The following RIMS2 variants were observed in gnomAD, a reference collection of about 807,000 sequenced individuals.
The protein encoded by RIMS2 is regulating synaptic membrane exocytosis protein 2.
RIMS2 carries 59 observed loss-of-function variants against 174.4 expected under a neutral mutation model. The observed-to-expected ratio is 0.34, with a 90% CI of 0.27 to 0.42. The LOEUF is 0.42. RIMS2 is among the 10% of genes least tolerant of loss of function. The pLI, the probability that RIMS2 is intolerant of heterozygous loss-of-function variation, is 1.00. For missense variants in RIMS2, 1,620 were observed against 1,666.3 expected, an observed-to-expected ratio of 0.97 and a Z score of 0.48; for synonymous variants, 606 against 572.5, an observed-to-expected ratio of 1.06 and a Z score of -0.84.
At chr8:103,858,239 T>C (rs564059165) in intron 3 of RIMS2, among the ~76,000 whole-genome samples, 22 of 152,290 alleles carry the variant, frequency 1.4e-4, no homozygotes, top group Non-Finnish European at 2.2e-4. Context: ...GCCTGGCATC[T>C]CCTTAGAATA....
Position 103,715,879 on chromosome 8 carries a change from A to T in RIMS2, c.387+18583A>T, listed in dbSNP as rs2097362588. Among the ~76,000 whole-genome samples, 5 of 152,148 alleles carry T rather than the reference A, an allele frequency of 3.3e-5. No homozygotes were observed. In the South Asian group the frequency reaches 1.0e-3, roughly 31 times the overall value. ...TATCTACTTTTGATAGTATATGATGAAATTAAACATTGATGCTATGTTTTT... is the reference window on the plus strand; with the variant it reads ...TATCTACTTTTGATAGTATATGATGTAATTAAACATTGATGCTATGTTTTT... On this transcript the variant is annotated intron_variant, in intron 2 of 23. Coordinates refer to ENST00000504942, the Ensembl canonical transcript of RIMS2.
chr8:104,223,247 C>A, intron 19 of RIMS2: 1 of 425,136 alleles, frequency 2.4e-6, no homozygotes, highest in Non-Finnish European at 3.2e-6. Flanking sequence ...CACCGAGGTG[C>A]AGCCGCGCCG....
intron 19 of RIMS2, among the ~76,000 whole-genome samples, chr8:104,125,974 G>T (rs928792212): frequency 1.3e-5 from 2 of 152,054 alleles, no homozygotes; most frequent in African/African-American, 4.8e-5. Context: ...TATCTTTGCT[G>T]GCCGCCTTTG....
intron 19 of RIMS2, among the ~76,000 whole-genome samples, chr8:104,036,555 C>T (rs2096521945): frequency 6.6e-6 from 1 of 152,030 alleles, no homozygotes; most frequent in Non-Finnish European, 1.5e-5. Flanking sequence ...GGAAAAACAG[C>T]ACAGCTCAAA....
At chr8:104,157,635 C>T (rs2098732774) in intron 19 of RIMS2, among the ~76,000 whole-genome samples, 1 of 152,180 alleles carries the variant, frequency 6.6e-6, no homozygotes, top group Admixed American at 6.5e-5. Flanking sequence ...TTCTACTCAT[C>T]AGAATTTGCT....
chr8:103,646,645 T>C (rs542542599), intron 1 of RIMS2, among the ~76,000 whole-genome samples: 4 of 152,126 alleles, frequency 2.6e-5, no homozygotes. Flanking sequence ...TGAGAACATA[T>C]GGTATTTAGT....
At chr8:104,112,386 T>C (rs1179481359) in intron 19 of RIMS2, among the ~76,000 whole-genome samples, 1 of 152,106 alleles carries the variant, frequency 6.6e-6, no homozygotes, top group Non-Finnish European at 1.5e-5. Flanking sequence ...ATGTAATATA[T>C]GTATATATTT....
At chr8:103,868,224 A>G (rs1438439415) in intron 3 of RIMS2, among the ~76,000 whole-genome samples, 1 of 152,062 alleles carries the variant, frequency 6.6e-6, no homozygotes, top group Non-Finnish European at 1.5e-5. Flanking sequence ...TAAATTTTGT[A>G]TTTGAAACAT....
rs1279648624 is a variant in RIMS2, at chr8:103,801,079, G to A, written c.698+34542G>A. On this transcript the variant is annotated intron_variant, in intron 3 of 23. Coordinates refer to ENST00000504942, the Ensembl canonical transcript of RIMS2. ...ATGATCTCCGCTCACTGCAATCTCC[G>A]CCTTTGGCAATTCTCCTGCATCAGC... 7.9e-5 allele frequency among the ~76,000 whole-genome samples: 12 copies of A among 151,956 alleles called. 1 individual carries two copies. Among genetic ancestry groups the A allele is most frequent in the South Asian group, 4.1e-4 (2 of 4,822 alleles).
intron 1 of RIMS2, among the ~76,000 whole-genome samples, chr8:103,644,086 G>A (rs986075502): frequency 4.0e-5 from 6 of 151,834 alleles, no homozygotes; most frequent in Middle Eastern, 6.8e-3. Flanking sequence ...GAGAGAACCC[G>A]GTGGAGCTTC....
chr8:103,539,328 A>G (rs1187170674), intron 1 of RIMS2, among the ~76,000 whole-genome samples: 1 of 151,934 alleles, frequency 6.6e-6, no homozygotes, highest in East Asian at 1.9e-4. Flanking sequence ...CACCACCAAG[A>G]TGGCAGAGTA....
chr8:103,885,461 T>C, exon 4 of RIMS2: 1 of 1,612,626 alleles, frequency 6.2e-7, no homozygotes, highest in Non-Finnish European at 8.5e-7. Context: ...TTATGAAGAC[T>C]CTGATCATTT....
At chr8:103,565,003 C>T (rs2092154006) in intron 1 of RIMS2, among the ~76,000 whole-genome samples, 2 of 152,136 alleles carry the variant, frequency 1.3e-5, no homozygotes, top group Non-Finnish European at 2.9e-5. Context: ...TTTAACCACA[C>T]ATGTAGAGAA....
At chr8:103,502,225 C>T (rs541156177) in intron 1 of RIMS2, among the ~76,000 whole-genome samples, 4 of 152,244 alleles carry the variant, frequency 2.6e-5, no homozygotes, top group African/African-American at 9.6e-5. Context: ...AATACACTCA[C>T]CTCTATTCAG....
intron 19 of RIMS2, 56 bp downstream of exon 25, chr8:104,148,904 A>G: frequency 1.3e-6 from 2 of 1,529,064 alleles, no homozygotes; most frequent in Non-Finnish European, 1.8e-6. Flanking sequence ...TACAAGATAT[A>G]TTTCTTTTCT....
chr8:104,255,443 C>G (rs1297108943), downstream of RIMS2: 1 of 152,158 alleles, frequency 6.6e-6, no homozygotes, highest in African/African-American at 2.4e-5. Flanking sequence ...CTACTTTTCT[C>G]AATAATGATC....
At chr8:104,068,515 C>G in intron 19 of RIMS2, 2 of 1,435,386 alleles carry the variant, frequency 1.4e-6, no homozygotes, top group South Asian at 2.4e-5. Context: ...TCGATAGGTA[C>G]TATGGATATA....
chr8:103,554,417 G>C (rs1306975236), intron 1 of RIMS2, among the ~76,000 whole-genome samples: 1 of 152,012 alleles, frequency 6.6e-6, no homozygotes, highest in Non-Finnish European at 1.5e-5. Flanking sequence ...TGACATATAC[G>C]CGGCCAACAA....
At chr8:103,993,346 C>CT (rs998312481) in intron 17 of RIMS2, among the ~76,000 whole-genome samples, 2 of 151,914 alleles carry the variant, frequency 1.3e-5, no homozygotes, top group Non-Finnish European at 1.5e-5. Context: ...ACTTTATAAG[C>CT]TTTTTTTCTC....
Sources: gnomAD v4.1 joint callset for allele counts (sites outside exome capture counted in the v4.1 genomes callset) on GRCh38, gnomAD v4.1.1 for gene constraint, MANE v1.5 for transcripts, NCBI Gene and HGNC (gene_info 2026-07-23, HGNC 2026-07-21) for gene names.